Variants in EXD2 observed in about 807,000 individuals in gnomAD.
EXD2 encodes the protein exonuclease 3'-5' domain containing 2, also known as exonuclease 3'-5' domain-containing protein 2.
A neutral mutation model predicts 62.5 loss-of-function variants in EXD2; 40 were observed. The observed-to-expected ratio is 0.64, with a 90% CI of 0.50 to 0.83. The LOEUF (loss-of-function observed/expected upper bound fraction) is 0.83. EXD2 is among the 40% of genes least tolerant of loss of function. The probability of loss-of-function intolerance (pLI) is 0.00; values close to 1 mark genes in which losing one functional copy is unlikely to be tolerated. For synonymous variants in EXD2, 239 were observed against 291.9 expected (o/e 0.82, Z 1.85); for missense variants, 671 against 761.8 (o/e 0.88, Z 1.40).
intron 9 of EXD2, chr14:69,239,085 A>G (rs1325023633): frequency 6.6e-6 from 1 of 152,260 alleles, no homozygotes; most frequent in Non-Finnish European, 1.5e-5. Context: ...ACTCCAGGGT[A>G]TCGGCTCACT....
intron 1 of EXD2, among the ~76,000 whole-genome samples, chr14:69,195,769 T>G (rs1380565556): frequency 6.6e-6 from 1 of 152,208 alleles, no homozygotes. Flanking sequence ...TCATACAATG[T>G]GTAGTCTTTT....
intron 8 of EXD2, 87 bp from the exon 9 acceptor site, chr14:69,237,488 G>A: frequency 7.8e-7 from 1 of 1,280,358 alleles, no homozygotes; most frequent in South Asian, 1.2e-5. Flanking sequence ...TTAGGCCCCA[G>A]TTAGAACCCC....
intron 3 of EXD2, among the ~76,000 whole-genome samples, chr14:69,215,294 ATATATGTGTGTGTGTGTG>A (rs778320967): frequency 4.4e-5 from 6 of 137,270 alleles, no homozygotes; most frequent in East Asian, 4.0e-4. Flanking sequence ...CATCTCAAAA[ATATATGTGTGTGTGTGTG>A]TGTGTGTGTG....
intron 3 of EXD2, among the ~76,000 whole-genome samples, chr14:69,213,143 G>T (rs1357097203): frequency 7.9e-6 from 1 of 127,236 alleles, no homozygotes; most frequent in African/African-American, 3.0e-5. Flanking sequence ...GAATGCAGTT[G>T]TGCGATCACA....
chr14:69,199,135 T>C (rs1379631025), intron 1 of EXD2, among the ~76,000 whole-genome samples: 1 of 152,232 alleles, frequency 6.6e-6, no homozygotes, highest in African/African-American at 2.4e-5. Context: ...CCCCGGCTAC[T>C]CAGGAGGCTG....
intron 1 of EXD2, among the ~76,000 whole-genome samples, chr14:69,200,746 T>C (rs1286736611): frequency 2.0e-5 from 3 of 149,816 alleles, no homozygotes; most frequent in African/African-American, 4.9e-5. Flanking sequence ...TGTTATGTTA[T>C]ATATATTTTA....
intron 2 of EXD2, among the ~76,000 whole-genome samples, chr14:69,207,067 A>G (rs1377756200): frequency 6.6e-6 from 1 of 152,230 alleles, no homozygotes; most frequent in Non-Finnish European, 1.5e-5. Context: ...AATAAAGTAA[A>G]TGTTTTTAAA....
At chr14:69,216,342 C>T (rs183045623) in intron 3 of EXD2, among the ~76,000 whole-genome samples, 3 of 152,180 alleles carry the variant, frequency 2.0e-5, no homozygotes, top group East Asian at 3.9e-4. Context: ...TCTTATTTAC[C>T]ATTGCTTTAA....
chr14:69,205,188 T>C (rs999084710), intron 2 of EXD2, among the ~76,000 whole-genome samples: 2 of 152,206 alleles, frequency 1.3e-5, no homozygotes, highest in Admixed American at 1.3e-4. Context: ...ATTCCCCATG[T>C]CTCTGCTTTG....
chr14:69,217,840 T>TC (rs1432005046), intron 3 of EXD2, among the ~76,000 whole-genome samples: 1 of 152,242 alleles, frequency 6.6e-6, no homozygotes. Flanking sequence ...GTTTCCAACT[T>TC]CATCTATGTC....
intron 2 of EXD2, among the ~76,000 whole-genome samples, chr14:69,206,381 G>A (rs952708760): frequency 4.0e-5 from 6 of 150,710 alleles, no homozygotes; most frequent in Non-Finnish European, 8.8e-5. Flanking sequence ...TCTGCCTCTG[G>A]GTTGCTGATA....
chr14:69,235,048 C>A lies in EXD2; in HGVS notation c.1049+17C>A. 3 of 1,561,812 alleles carry A rather than the reference C, an allele frequency of 1.9e-6. No individual in the cohort carries two copies. Among genetic ancestry groups the A allele is most frequent in the East Asian group, 2.3e-5 (1 of 43,916 alleles). ...TTCTGCCAGGTAACTGAATCACTCC[C>A]TGTCTAGTAAAGAGTCAGTGGCCCA... is the stretch of plus-strand genomic sequence containing the variant. On this transcript the variant is annotated intron_variant, in intron 6 of 9. Coordinates refer to ENST00000685843, the MANE Select transcript of EXD2 (RefSeq NM_001193360.2).
Position 69,237,757 on chromosome 14 carries a change from G to A in EXD2, c.1475G>A (p.Arg492His), listed in dbSNP as rs769852607. 9 of 1,613,766 alleles carry A rather than the reference G, an allele frequency of 5.6e-6. No individual in the cohort carries two copies. Among genetic ancestry groups the A allele is most frequent in the African/African-American group, 1.3e-5 (1 of 74,944 alleles). Residue 492 changes from arginine (R) to histidine (H), a missense_variant, in exon 9 of 10, where the codon CGC becomes CAC. Physicochemically the swap from Arg to His is conservative, Grantham distance 29. Coordinates refer to ENST00000685843, the MANE Select transcript of EXD2 (RefSeq NM_001193360.2). The stretch of plus-strand genomic sequence containing the variant: ...CCCATCGGCTCTGAGGAGGGCTTGC[G>A]CCTGCTGGAAGATCCTGAGCGCCGG... ...QAPIGSEEGL[R>H]LLEDPERRQV...
At chr14:69,202,115 AC>A (rs1428929583) in intron 1 of EXD2, among the ~76,000 whole-genome samples, 1 of 151,414 alleles carries the variant, frequency 6.6e-6, no homozygotes, top group Non-Finnish European at 1.5e-5. Flanking sequence ...ACCTGGCGAA[AC>A]CCCGTTTCTA....
intron 9 of EXD2, among the ~76,000 whole-genome samples, chr14:69,238,241 A>G (rs2043866592): frequency 6.6e-6 from 1 of 152,218 alleles, no homozygotes. Flanking sequence ...CATCTTACAC[A>G]TTCTATGCAG....
chr14:69,216,460 C>A (rs2042991151), intron 3 of EXD2, among the ~76,000 whole-genome samples: 1 of 152,194 alleles, frequency 6.6e-6, no homozygotes, highest in Admixed American at 6.5e-5. Flanking sequence ...TGGAGTCTCA[C>A]TCTGTCACTC....
intron 8 of EXD2, among the ~76,000 whole-genome samples, chr14:69,237,050 C>T (rs1370097583): frequency 5.9e-5 from 9 of 152,240 alleles, no homozygotes; most frequent in Non-Finnish European, 1.2e-4. Flanking sequence ...ACTCACTTTC[C>T]TCCTTTCTCC....
At chr14:69,212,686 C>G (rs1444001959) in intron 3 of EXD2, among the ~76,000 whole-genome samples, 1 of 137,586 alleles carries the variant, frequency 7.3e-6, no homozygotes, top group Non-Finnish European at 1.5e-5. Flanking sequence ...TCACTTGGTT[C>G]CAATGGTTCT....
In EXD2 at chr14:69,237,688, A is replaced by G. The variant is rs200113172; in HGVS notation, c.1406A>G (p.Tyr469Cys). Residue 469 changes from tyrosine to cysteine, a missense_variant, in exon 9 of 10, where the codon TAT becomes TGT. Physicochemically the swap from Tyr to Cys is radical, Grantham distance 194. Transcript: ENST00000685843. ...TCCTGCCATGCCATTTCCAACTACT[A>G]TGACAACCATCTGAAGCAGCAGCTG... Reference protein sequence around the residue: ...CTSCHAISNYYDNHLKQQLAK... With the variant: ...CTSCHAISNYCDNHLKQQLAK... 9.2e-5 allele frequency: 148 copies of G among 1,614,044 alleles called. No homozygotes were observed. Among genetic ancestry groups the G allele is most frequent in the Middle Eastern group, 1.6e-4 (1 of 6,084 alleles).
Sources: gnomAD v4.1 joint callset for allele counts (sites outside exome capture counted in the v4.1 genomes callset) on GRCh38, gnomAD v4.1.1 for gene constraint, MANE v1.5 for transcripts, NCBI Gene and HGNC (gene_info 2026-07-23, HGNC 2026-07-21) for gene names.